The following GATB variants were observed in gnomAD, a reference collection of about 807,000 sequenced individuals.
GATB encodes glutamyl-tRNA(Gln) amidotransferase subunit B, mitochondrial.
A neutral mutation model predicts 62.3 loss-of-function variants in GATB; 39 were observed. That is an observed-to-expected ratio of 0.63 (90% CI 0.48 to 0.82). The LOEUF is 0.82. GATB is among the 40% of genes least tolerant of loss of function. The pLI is 0.00. For missense variants in GATB, 670 were observed against 684.0 expected (o/e 0.98, Z 0.23); for synonymous variants, 276 against 258.9 (o/e 1.07, Z -0.63).
intron 9 of GATB, among the ~76,000 whole-genome samples, chr4:151,698,776 A>G (rs1316313476): frequency 1.3e-5 from 2 of 152,186 alleles, no homozygotes; most frequent in African/African-American, 2.4e-5. Context: ...CCTTTAAAGG[A>G]AAAATACTAA....
intron 10 of GATB, among the ~76,000 whole-genome samples, chr4:151,682,126 G>A (rs6834095): frequency 0.6 from 90,844 of 152,096 alleles, 29,667 homozygotes; most frequent in African/African-American, 0.88. Context: ...TTCATCAGTT[G>A]GGTCATAAAT....
At chr4:151,727,238 G>A (rs114332317) in intron 2 of GATB, among the ~76,000 whole-genome samples, 1,928 of 152,252 alleles carry the variant, frequency 0.013, 39 homozygotes, top group African/African-American at 0.044. Context: ...GCTTTTCCAT[G>A]TACCACTGGA....
At chr4:151,741,511 C>T (rs1013633120) in intron 2 of GATB, among the ~76,000 whole-genome samples, 3 of 152,156 alleles carry the variant, frequency 2.0e-5, no homozygotes, top group Non-Finnish European at 4.4e-5. Flanking sequence ...AAGGCTTTCC[C>T]AAACAATACT....
At chr4:151,688,791 A>C in intron 9 of GATB, 28 bp from the exon 10 acceptor site, 1 of 1,564,384 alleles carries the variant, frequency 6.4e-7, no homozygotes. Flanking sequence ...AGAAAATTAC[A>C]TAAAGCCTCC....
chr4:151,740,289 A>G (rs1223605490), intron 2 of GATB, among the ~76,000 whole-genome samples: 1 of 152,146 alleles, frequency 6.6e-6, no homozygotes, highest in Non-Finnish European at 1.5e-5. Flanking sequence ...TTGTTAGGAG[A>G]CTTTGCTGTT....
intron 9 of GATB, among the ~76,000 whole-genome samples, chr4:151,697,680 T>G (rs1738497017): frequency 6.7e-6 from 1 of 148,642 alleles, no homozygotes; most frequent in South Asian, 2.1e-4. Context: ...AATTTATATA[T>G]ATAGAAAAGC....
At chr4:151,760,676 G>T in intron 1 of GATB, 131 bp downstream of exon 1, 1 of 714,166 alleles carries the variant, frequency 1.4e-6, no homozygotes, top group Non-Finnish European at 2.1e-6. Flanking sequence ...AGGTTTCGGG[G>T]CTCCAGGTTA....
intron 3 of GATB, among the ~76,000 whole-genome samples, chr4:151,718,074 T>G (rs1738949764): frequency 6.6e-6 from 1 of 152,212 alleles, no homozygotes. Context: ...AATACTACTG[T>G]GCTTGTCAAA....
At chr4:151,685,443 C>T (rs1738224849) in intron 10 of GATB, among the ~76,000 whole-genome samples, 1 of 152,198 alleles carries the variant, frequency 6.6e-6, no homozygotes, top group South Asian at 2.1e-4. Flanking sequence ...CCTGACGTTC[C>T]AGAGGCTCCC....
chr4:151,715,823 C>T (rs905424869), intron 5 of GATB, among the ~76,000 whole-genome samples, 186 bp downstream of exon 5: 1 of 151,822 alleles, frequency 6.6e-6, no homozygotes, highest in African/African-American at 2.4e-5. Context: ...TCAAAGAATC[C>T]AAGGAAAATT....
chr4:151,750,092 A>T (rs1401844129), intron 2 of GATB, among the ~76,000 whole-genome samples: 1 of 152,190 alleles, frequency 6.6e-6, no homozygotes, highest in Non-Finnish European at 1.5e-5. Context: ...CGTGTTAGCC[A>T]GGATGGTCTC....
chr4:151,731,259 C>CA (rs1450270944), intron 2 of GATB, among the ~76,000 whole-genome samples: 1 of 152,170 alleles, frequency 6.6e-6, no homozygotes. Flanking sequence ...CCATTGCGGG[C>CA]GCGCGCCGCC....
chr4:151,716,742 T>C lies in GATB; in HGVS notation c.640+134A>G, dbSNP rs1426732017. 6 of 738,840 alleles carry C rather than the reference T, an allele frequency of 8.1e-6. No individual in the cohort carries two copies. The African/African-American group carries it at 8.8e-5, about 11-fold the overall frequency. The allele number at this position is 738,840 out of a possible 1,614,324, so 45.8% of individuals were successfully genotyped here. Reference sequence around the variant, plus strand: ...AGCTATGCCAATCCCAATGCTGATATTTTAGTCTCCATCTATCAGGCTCCT... The same window carrying C: ...AGCTATGCCAATCCCAATGCTGATACTTTAGTCTCCATCTATCAGGCTCCT... On this transcript the variant is annotated intron_variant, in intron 4 of 12. Transcript: ENST00000263985.
At chr4:151,724,693 T>A (rs899928739) in intron 2 of GATB, among the ~76,000 whole-genome samples, 1 of 151,998 alleles carries the variant, frequency 6.6e-6, no homozygotes, top group East Asian at 1.9e-4. Context: ...GGCAAGACTT[T>A]CGGATGTCAC....
At chr4:151,704,945 T>G (rs994859809) in intron 7 of GATB, among the ~76,000 whole-genome samples, 1 of 151,468 alleles carries the variant, frequency 6.6e-6, no homozygotes, top group Non-Finnish European at 1.5e-5. Context: ...AGAGACAGGA[T>G]TTCACCATGT....
rs1578947966 is a variant in GATB, at chr4:151,760,919, C to G, written c.64G>C (p.Gly22Arg). The G allele has an allele frequency of 1.2e-6, 2 of 1,613,928 alleles. No homozygotes were observed. The highest frequency in any genetic ancestry group is 8.5e-7 in the Non-Finnish European group (1 of 1,179,954). The change falls in exon 1 of 13, where the codon GGT becomes CGT. Residue 22 changes from glycine to arginine, a missense_variant. By Grantham distance (125) the Gly-to-Arg change is moderately radical. Transcript: ENST00000263985. Reference sequence around the variant, plus strand: ...GCCCCTCTTCGGTGGCAAGAACCACCGTCAACCCGGGCGAAAGCCCAACGT... The same window carrying G: ...GCCCCTCTTCGGTGGCAAGAACCACGGTCAACCCGGGCGAAAGCCCAACGT... ...GRRWAFARVD[G>R]GSCHRRGAPT... is the part of the protein sequence containing the mutation.
intron 2 of GATB, among the ~76,000 whole-genome samples, chr4:151,752,187 TG>T (rs1664222650): frequency 6.6e-6 from 1 of 152,222 alleles, no homozygotes; most frequent in African/African-American, 2.4e-5. Flanking sequence ...CCCAATCCTT[TG>T]TATGTGGACC....
At chr4:151,735,757 TG>T (rs1739361352) in intron 2 of GATB, among the ~76,000 whole-genome samples, 9 of 136,426 alleles carry the variant, frequency 6.6e-5, no homozygotes, top group East Asian at 2.1e-4. Context: ...TATATATATA[TG>T]ATGGAATACT....
At chr4:151,694,814 C>A (rs1738435658) in intron 9 of GATB, among the ~76,000 whole-genome samples, 1 of 152,202 alleles carries the variant, frequency 6.6e-6, no homozygotes, top group African/African-American at 2.4e-5. Context: ...ATCCAGAAAG[C>A]AAACCTGGTC....
Sources: allele counts gnomAD v4.1 joint callset (sites outside exome capture counted in the v4.1 genomes callset), GRCh38; gene constraint gnomAD v4.1.1; transcripts MANE v1.5; gene names NCBI Gene and HGNC (gene_info 2026-07-23, HGNC 2026-07-21).